The following CERT1 variants were observed in gnomAD, a reference collection of about 807,000 sequenced individuals.
CERT1 encodes ceramide transfer protein.
Under a neutral mutation model 87.9 loss-of-function variants are expected in CERT1, and 31 were observed. The observed-to-expected ratio is 0.35, with a 90% CI of 0.27 to 0.48. CERT1 has a LOEUF of 0.48. Ranked by LOEUF, CERT1 falls within the 20% of genes least tolerant of loss-of-function variation. The probability of loss-of-function intolerance (pLI) is 0.99; values close to 1 mark genes in which losing one functional copy is unlikely to be tolerated. For synonymous variants in CERT1, 289 were observed against 250.9 expected (o/e 1.15, Z -1.44); for missense variants, 487 against 758.0 (o/e 0.64, Z 4.20).
At chr5:75,423,734 A>T (rs1278785245) in intron 5 of CERT1, among the ~76,000 whole-genome samples, 1 of 152,254 alleles carries the variant, frequency 6.6e-6, no homozygotes, top group Non-Finnish European at 1.5e-5. Flanking sequence ...TACTACACAT[A>T]AAGTGGTATA....
At chr5:75,492,352 G>C (rs549436301) in intron 2 of CERT1, among the ~76,000 whole-genome samples, 44 of 152,158 alleles carry the variant, frequency 2.9e-4, no homozygotes, top group African/African-American at 1.0e-3. Context: ...GGCAGCATTA[G>C]GCCCTGTTTA....
chr5:75,381,332 G>A (rs1761576526), intron 15 of CERT1, 131 bp from the exon 16 acceptor site: 1 of 1,018,646 alleles, frequency 9.8e-7, no homozygotes, highest in African/African-American at 1.6e-5. Context: ...TAAGCACCAA[G>A]CTGATATGAC....
At chr5:75,461,472 T>C (rs1442529257) in intron 2 of CERT1, among the ~76,000 whole-genome samples, 1 of 151,918 alleles carries the variant, frequency 6.6e-6, no homozygotes, top group African/African-American at 2.4e-5. Flanking sequence ...GAAATGCTAA[T>C]CTAAAGAACC....
At chr5:75,500,333 T>G (rs1400559775) in intron 2 of CERT1, among the ~76,000 whole-genome samples, 1 of 152,206 alleles carries the variant, frequency 6.6e-6, no homozygotes, top group Non-Finnish European at 1.5e-5. Context: ...TATAATTATA[T>G]AATTAAAATT....
rs59799780 is a variant in CERT1, at chr5:75,388,599, CATATATATATATATATATAT to C, written c.1284+973_1284+992del. ...GATGGAGCCAAGTATAGCATGCATG[CATATATATATATATATATAT>C]ATATATATATATATATATATATCTC... is the stretch of plus-strand genomic sequence containing the variant. On this transcript the variant is annotated intron_variant, in intron 12 of 16. Transcript: ENST00000643780. Among the ~76,000 whole-genome samples the C allele has an allele frequency of 1.3e-3, 123 of 91,838 alleles. 7 individuals are homozygous for C. Among genetic ancestry groups the C allele is most frequent in the South Asian group, 4.9e-3 (13 of 2,638 alleles). The allele number at this position is 91,838 out of a possible 152,430, so 60.2% of individuals were successfully genotyped here.
intron 3 of CERT1, among the ~76,000 whole-genome samples, chr5:75,457,922 GT>G (rs1259038539): frequency 1.4e-5 from 2 of 147,636 alleles, no homozygotes; most frequent in African/African-American, 2.5e-5. Flanking sequence ...GTGTGTGTGT[GT>G]GTGGTGTGTG....
At chr5:75,488,851 C>T (rs1285534718) in intron 2 of CERT1, among the ~76,000 whole-genome samples, 1 of 152,146 alleles carries the variant, frequency 6.6e-6, no homozygotes, top group African/African-American at 2.4e-5. Context: ...TACCTCCAGC[C>T]TCTTTCTCTA....
intron 2 of CERT1, among the ~76,000 whole-genome samples, chr5:75,500,890 GACT>G (rs1232575383): frequency 3.3e-5 from 5 of 151,910 alleles, no homozygotes; most frequent in African/African-American, 4.8e-5. Context: ...TTTTACATCT[GACT>G]ACTATTTGGC....
intron 2 of CERT1, among the ~76,000 whole-genome samples, chr5:75,462,955 G>A (rs1482745483): frequency 2.3e-5 from 3 of 131,482 alleles, no homozygotes; most frequent in South Asian, 2.5e-4. Context: ...TGGCGCTACT[G>A]TACTCCAGCC....
rs376461568 is a variant in CERT1, at chr5:75,419,357, G to A, written c.663C>T (p.Asn221=). The A allele has an allele frequency of 7.0e-5, 113 of 1,610,194 alleles. 1 individual carries two copies. The highest frequency in any genetic ancestry group is 1.6e-4 in the Middle Eastern group (1 of 6,074). The part of the protein sequence containing the change: ...RSDGDFLHST[N]GNKEKLFPHV... ...ATTACTTACACTTTTCTTTATTGCC[G>A]TTGGTACTATGCAAGAAGTCACCAT... The change falls in exon 6 of 17, where the codon AAC becomes AAT. Residue 221 remains asparagine, a synonymous_variant. Coordinates refer to ENST00000643780, the MANE Select transcript of CERT1 (RefSeq NM_001379029.1).
chr5:75,494,457 T>C (rs1397121661), intron 2 of CERT1, among the ~76,000 whole-genome samples: 1 of 152,144 alleles, frequency 6.6e-6, no homozygotes, highest in Non-Finnish European at 1.5e-5. Flanking sequence ...CTGTATTCAG[T>C]GTGATACTTT....
intron 17 of CERT1, chr5:75,372,380 T>C (rs1489793341): frequency 6.6e-6 from 1 of 151,548 alleles, no homozygotes; most frequent in Non-Finnish European, 1.5e-5. Context: ...AAATACACAT[T>C]TGAGGTATAA....
intron 2 of CERT1, among the ~76,000 whole-genome samples, chr5:75,461,688 T>C (rs989313323): frequency 6.6e-6 from 1 of 152,152 alleles, no homozygotes; most frequent in African/African-American, 2.4e-5. Context: ...GGCAAACACC[T>C]TCTTATGCAG....
In CERT1 at chr5:75,425,437, T is replaced by C; in HGVS notation, c.519A>G (p.Arg173=). The change falls in exon 5 of 17, where the codon AGA becomes AGG. Residue 173 remains arginine, a synonymous_variant. Coordinates refer to ENST00000643780, the MANE Select transcript of CERT1 (RefSeq NM_001379029.1). The part of the protein sequence containing the change: ...EMETFRDILC[R]QVDTLQKYFD... ...AGTACTTCTGTAGCGTGTCAACTTG[T>C]CTACATAAGATGTCTCTAAATGTTT... The C allele has an allele frequency of 1.2e-6, 2 of 1,613,928 alleles. No homozygotes were observed. The highest frequency in any genetic ancestry group is 1.1e-5 in the South Asian group (1 of 91,070).
Position 75,379,210 on chromosome 5 carries a change from C to T in CERT1, c.*136G>A. The T allele has an allele frequency of 1.2e-6, 1 of 805,016 alleles. No individual in the cohort carries two copies. The highest frequency in any genetic ancestry group is 2.0e-6 in the Non-Finnish European group (1 of 512,618). 49.9% of individuals were successfully genotyped at this position (805,016 alleles called of 1,614,324 possible). On this transcript the variant is annotated 3_prime_UTR_variant, in exon 17 of 17. Coordinates refer to ENST00000643780, the MANE Select transcript of CERT1 (RefSeq NM_001379029.1). The stretch of plus-strand genomic sequence containing the variant: ...CAACAACAACGACAACAACAAAAAC[C>T]AACGAAACAATACTCTATAGGGGAA...
intron 7 of CERT1, among the ~76,000 whole-genome samples, chr5:75,412,200 C>T (rs954312233): frequency 6.6e-6 from 1 of 151,940 alleles, no homozygotes; most frequent in African/African-American, 2.4e-5. Context: ...TTTACCTTGT[C>T]CAAATTCCAT....
At chr5:75,443,136 T>C (rs2112251647) in intron 3 of CERT1, among the ~76,000 whole-genome samples, 4 of 152,306 alleles carry the variant, frequency 2.6e-5, no homozygotes, top group Admixed American at 2.6e-4. Flanking sequence ...TAAAGGTTTG[T>C]CAAATTTCTT....
At chr5:75,428,361 G>C (rs1236019994) in intron 3 of CERT1, among the ~76,000 whole-genome samples, 2 of 152,150 alleles carry the variant, frequency 1.3e-5, no homozygotes, top group East Asian at 3.9e-4. Flanking sequence ...AAGAAAAGAG[G>C]AGACTCTGAA....
intron 2 of CERT1, among the ~76,000 whole-genome samples, chr5:75,496,186 T>C (rs989816398): frequency 1.3e-5 from 2 of 148,222 alleles, no homozygotes; most frequent in Non-Finnish European, 3.0e-5. Flanking sequence ...GAGATACAGA[T>C]AAGCAAATGA....
Sources: allele counts gnomAD v4.1 joint callset (sites outside exome capture counted in the v4.1 genomes callset), GRCh38; gene constraint gnomAD v4.1.1; transcripts MANE v1.5; gene names NCBI Gene and HGNC (gene_info 2026-07-23, HGNC 2026-07-21).